BBS9: variants seen among roughly 807,000 people sequenced by gnomAD.
The protein encoded by BBS9 is Bardet-Biedl syndrome 9.
In BBS9, 89 loss-of-function variants were observed where a neutral mutation model predicts 117.7. That is an observed-to-expected ratio of 0.76 (90% CI 0.64 to 0.90). BBS9 has a LOEUF of 0.90. BBS9 is among the 40% of genes least tolerant of loss of function. BBS9 has a pLI of 0.00. For synonymous variants in BBS9, 379 were observed against 370.9 expected (o/e 1.02, Z -0.25); for missense variants, 982 against 1,042.2 (o/e 0.94, Z 0.80).
intron 4 of BBS9, among the ~76,000 whole-genome samples, chr7:33,158,021 A>C (rs550027912): frequency 6.6e-6 from 1 of 152,266 alleles, no homozygotes; most frequent in East Asian, 1.9e-4. Flanking sequence ...TGTTGTTTTA[A>C]ATATTATTTT....
At chr7:33,367,708 T>G (rs765156061) in intron 16 of BBS9, 59 bp from the exon 17 acceptor site, 36 of 1,437,122 alleles carry the variant, frequency 2.5e-5, no homozygotes, top group Non-Finnish European at 3.5e-5. Flanking sequence ...GGTTCCTATT[T>G]CAAATGTGTT....
intron 19 of BBS9, among the ~76,000 whole-genome samples, chr7:33,473,833 C>T (rs896453808): frequency 2.6e-5 from 4 of 152,022 alleles, no homozygotes; most frequent in Non-Finnish European, 4.4e-5. Flanking sequence ...TATCACTTTC[C>T]CCACCAGACA....
At chr7:33,332,706 AAC>A (rs1417468352) in intron 9 of BBS9, among the ~76,000 whole-genome samples, 13 of 151,788 alleles carry the variant, frequency 8.6e-5, no homozygotes, top group African/African-American at 1.9e-4. Flanking sequence ...CAACAACAAC[AAC>A]AAAAACAAAA....
intron 21 of BBS9, among the ~76,000 whole-genome samples, chr7:33,579,680 C>T (rs959619357): frequency 2.6e-5 from 4 of 152,066 alleles, no homozygotes; most frequent in African/African-American, 7.2e-5. Context: ...AGTGAGCTTC[C>T]CAGTACCCCT....
chr7:33,339,369 A>G (rs1384036464), intron 10 of BBS9, among the ~76,000 whole-genome samples: 1 of 152,174 alleles, frequency 6.6e-6, no homozygotes, highest in African/African-American at 2.4e-5. Context: ...TTAGCTGAGT[A>G]TTTTGTTGCT....
At chr7:33,371,259 C>G (rs967004582) in intron 17 of BBS9, among the ~76,000 whole-genome samples, 3 of 152,078 alleles carry the variant, frequency 2.0e-5, no homozygotes, top group African/African-American at 7.2e-5. Flanking sequence ...TTTCACAGAA[C>G]TTTAGAAAAT....
intron 17 of BBS9, among the ~76,000 whole-genome samples, chr7:33,381,327 A>T (rs1421359845): frequency 5.3e-5 from 8 of 152,182 alleles, no homozygotes; most frequent in African/African-American, 9.7e-5. Flanking sequence ...AGCAGTATTC[A>T]GTCTTCTGCT....
At chr7:33,318,989 C>G (rs1361825408) in intron 9 of BBS9, among the ~76,000 whole-genome samples, 1 of 151,976 alleles carries the variant, frequency 6.6e-6, no homozygotes, top group Non-Finnish European at 1.5e-5. Flanking sequence ...ATGATGAAAC[C>G]CCGTCTCTAC....
chr7:33,533,840 T>G, intron 20 of BBS9, 114 bp from the exon 21 acceptor site: 1 of 1,255,556 alleles, frequency 8.0e-7, no homozygotes, highest in Non-Finnish European at 1.2e-6. Context: ...TACCACACTC[T>G]TCACAGGTTC....
At position 33,162,109 on chromosome 7, in the gene BBS9, A is replaced by G. The variant is rs1035482274; in HGVS notation, c.328+6407A>G. The stretch of plus-strand genomic sequence containing the variant: ...TGCTGGTAGTTTTCTTTTTTTGCTC[A>G]TGAAGTCCTTGCCCATGCCTGTGTC... On this transcript the variant is annotated intron_variant, in intron 4 of 22. Transcript: ENST00000242067. Among the ~76,000 whole-genome samples the G allele has an allele frequency of 2.6e-5, 4 of 152,024 alleles. No individual in the cohort carries two copies. In the East Asian group the frequency reaches 7.7e-4, roughly 29 times the overall value.
At chr7:33,137,777 G>A (rs758785473) in intron 1 of BBS9, among the ~76,000 whole-genome samples, 2 of 152,076 alleles carry the variant, frequency 1.3e-5, no homozygotes, top group African/African-American at 2.4e-5. Flanking sequence ...AGTCCTTATT[G>A]TTCAATAAAT....
chr7:33,465,153 T>G (rs1350162450), intron 19 of BBS9, among the ~76,000 whole-genome samples: 3 of 151,874 alleles, frequency 2.0e-5, no homozygotes, highest in Non-Finnish European at 4.4e-5. Context: ...TTTTGCAGCA[T>G]GTAGAGATGG....
chr7:33,544,239 G>A (rs1466668929), intron 21 of BBS9, among the ~76,000 whole-genome samples: 3 of 152,108 alleles, frequency 2.0e-5, no homozygotes, highest in Non-Finnish European at 2.9e-5. Flanking sequence ...GTGAGCTAGC[G>A]TGATTTTTTT....
intron 21 of BBS9, among the ~76,000 whole-genome samples, chr7:33,568,848 G>A (rs1359300623): frequency 3.3e-5 from 5 of 152,052 alleles, no homozygotes; most frequent in Admixed American, 3.3e-4. Context: ...AATTAAAGCA[G>A]GATAAATCAG....
intron 9 of BBS9, among the ~76,000 whole-genome samples, chr7:33,316,710 A>G (rs962668571): frequency 1.3e-5 from 2 of 152,102 alleles, no homozygotes; most frequent in African/African-American, 4.8e-5. Context: ...ATGTATATTC[A>G]TGTCTTTTGC....
chr7:33,534,352 G>A, intron 21 of BBS9, 176 bp downstream of exon 21: 1 of 688,232 alleles, frequency 1.5e-6, no homozygotes, highest in Non-Finnish European at 2.6e-6. Flanking sequence ...ATATCCCTGA[G>A]ATATTTGCTT....
chr7:33,411,876 T>G (rs1831204675), intron 19 of BBS9, among the ~76,000 whole-genome samples: 1 of 152,112 alleles, frequency 6.6e-6, no homozygotes, highest in Non-Finnish European at 1.5e-5. Context: ...TAATATGGTG[T>G]ATAGCCTCAA....
chr7:33,600,336 T>C lies in BBS9; in HGVS notation c.2522-4529T>C, dbSNP rs149650132. 2.6e-5 allele frequency among the ~76,000 whole-genome samples: 4 copies of C among 152,304 alleles called. No homozygotes were observed. The East Asian group carries it at 7.7e-4, about 29-fold the overall frequency. On this transcript the variant is annotated intron_variant, in intron 21 of 22. Coordinates refer to ENST00000242067, the MANE Select transcript of BBS9 (RefSeq NM_198428.3). Reference sequence around the variant, plus strand: ...ATTTAATTTTTCTACTAGTTCTTTTTATTCATTTCTGTTGCCTTTTACAAA... The same window carrying C: ...ATTTAATTTTTCTACTAGTTCTTTTCATTCATTTCTGTTGCCTTTTACAAA...
intron 5 of BBS9, among the ~76,000 whole-genome samples, chr7:33,254,688 C>A (rs1204452667): frequency 6.6e-6 from 1 of 152,162 alleles, no homozygotes; most frequent in African/African-American, 2.4e-5. Flanking sequence ...CCCTGGTAAG[C>A]ACCCTGCTAC....
Sources: gnomAD v4.1 joint callset for allele counts (sites outside exome capture counted in the v4.1 genomes callset) on GRCh38, gnomAD v4.1.1 for gene constraint, MANE v1.5 for transcripts, NCBI Gene and HGNC (gene_info 2026-07-23, HGNC 2026-07-21) for gene names.